The following NDUFAF6 variants were observed in gnomAD, a reference collection of about 807,000 sequenced individuals.
The protein encoded by NDUFAF6 is NADH dehydrogenase (ubiquinone) complex I, assembly factor 6.
NDUFAF6 carries 45 observed loss-of-function variants against 40.8 expected under a neutral mutation model. The observed-to-expected ratio is 1.10, with a 90% CI of 0.87 to 1.42. NDUFAF6 has a LOEUF of 1.42. Among genes scored for constraint, NDUFAF6 ranks in the 40% most tolerant of loss-of-function variants. The pLI is 0.00. For synonymous variants in NDUFAF6, 185 were observed against 155.9 expected (o/e 1.19, Z -1.39); for missense variants, 435 against 418.5 (o/e 1.04, Z -0.34).
At chr8:95,111,921 G>A (rs1481912958) in intron 4 of NDUFAF6, among the ~76,000 whole-genome samples, 2 of 152,158 alleles carry the variant, frequency 1.3e-5, no homozygotes, top group Non-Finnish European at 2.9e-5. Context: ...CTATGGATAA[G>A]CCTTTTGTCC....
downstream of NDUFAF6, among the ~76,000 whole-genome samples, chr8:95,060,048 G>A (rs76917017): frequency 0.01 from 1,527 of 147,962 alleles, 35 homozygotes; most frequent in African/African-American, 0.034. Context: ...GTTTAATTAC[G>A]CGACTGGATT....
chr8:95,044,372 T>A (rs1432350430), intron 4 of NDUFAF6: 1 of 152,132 alleles, frequency 6.6e-6, no homozygotes. Context: ...GGGATAAATT[T>A]TATGGTATGT....
chr8:95,060,191 C>T (rs575919851), downstream of NDUFAF6, among the ~76,000 whole-genome samples: 22 of 152,268 alleles, frequency 1.4e-4, 1 homozygote, highest in Admixed American at 1.4e-3. Context: ...CAAGTGGAGT[C>T]TTTATCAGTG....
intron 1 of NDUFAF6, among the ~76,000 whole-genome samples, chr8:94,919,840 T>C (rs961096371): frequency 3.9e-5 from 6 of 152,228 alleles, no homozygotes; most frequent in Non-Finnish European, 1.5e-5. Flanking sequence ...CAAATCAACA[T>C]TGTAAACCAA....
At chr8:94,902,862 A>G (rs912541333) in intron 1 of NDUFAF6, among the ~76,000 whole-genome samples, 5 of 151,634 alleles carry the variant, frequency 3.3e-5, no homozygotes, top group Non-Finnish European at 7.4e-5. Flanking sequence ...CGCCCAGCTA[A>G]TTTTTATATT....
At chr8:94,980,236 G>C (rs968508031) in intron 1 of NDUFAF6, among the ~76,000 whole-genome samples, 1 of 150,026 alleles carries the variant, frequency 6.7e-6, no homozygotes, top group African/African-American at 2.4e-5. Context: ...TATTTTAAAA[G>C]AGTATATTCT....
intron 8 of NDUFAF6, among the ~76,000 whole-genome samples, chr8:95,053,344 G>A (rs1394597018): frequency 6.6e-6 from 1 of 152,086 alleles, no homozygotes; most frequent in African/African-American, 2.4e-5. Flanking sequence ...TGTATTTTGT[G>A]TATGTCAACA....
chr8:95,107,912 C>T (rs925646998), downstream of NDUFAF6, among the ~76,000 whole-genome samples: 2 of 152,124 alleles, frequency 1.3e-5, no homozygotes, highest in Non-Finnish European at 2.9e-5. Context: ...GAAAGATGCC[C>T]TCCTAGTATT....
chr8:95,048,364 A>T, intron 6 of NDUFAF6, 93 bp from the exon 7 acceptor site: 1 of 858,350 alleles, frequency 1.2e-6, no homozygotes, highest in Non-Finnish European at 2.0e-6. Flanking sequence ...GTGCTAAGTT[A>T]GTTTTAATTG....
chr8:95,076,549 G>A (rs1833020632), downstream of NDUFAF6, among the ~76,000 whole-genome samples: 1 of 152,136 alleles, frequency 6.6e-6, no homozygotes, highest in Admixed American at 6.5e-5. Context: ...TGCTCACTGT[G>A]TGCCAGTTAT....
chr8:94,931,680 A>G (rs924122031), intron 1 of NDUFAF6, among the ~76,000 whole-genome samples: 13 of 152,196 alleles, frequency 8.5e-5, no homozygotes, highest in Admixed American at 2.0e-4. Flanking sequence ...TAATATAAAG[A>G]AAATTATTTT....
chr8:94,918,832 G>T (rs977071797), intron 1 of NDUFAF6, among the ~76,000 whole-genome samples: 2 of 152,266 alleles, frequency 1.3e-5, no homozygotes, highest in East Asian at 3.9e-4. Context: ...GAGGTGTTTA[G>T]TAAATGCTGA....
chr8:95,040,925 T>A (rs1209267269), intron 3 of NDUFAF6: 1 of 152,276 alleles, frequency 6.6e-6, no homozygotes, highest in African/African-American at 2.4e-5. Context: ...GTCTGGGCAC[T>A]AGGTGAGCTC....
At chr8:94,982,024 T>C (rs1435066983) in intron 2 of NDUFAF6, among the ~76,000 whole-genome samples, 1 of 151,740 alleles carries the variant, frequency 6.6e-6, no homozygotes, top group Non-Finnish European at 1.5e-5. Flanking sequence ...GGTCAGGAGA[T>C]TGAGACCATC....
chr8:94,905,746 C>T (rs1818353613), intron 1 of NDUFAF6, among the ~76,000 whole-genome samples: 1 of 152,120 alleles, frequency 6.6e-6, no homozygotes, highest in Admixed American at 6.6e-5. Flanking sequence ...GGTTCTCATC[C>T]AGGGTGAGTC....
chr8:95,090,036 A>G (rs1809197344), intron 2 of NDUFAF6, among the ~76,000 whole-genome samples: 1 of 152,154 alleles, frequency 6.6e-6, no homozygotes, highest in Non-Finnish European at 1.5e-5. Context: ...CATTTCTGGC[A>G]TCCCGGCAAG....
chr8:94,912,632 TAA>T (rs567408916), intron 1 of NDUFAF6, among the ~76,000 whole-genome samples: 2 of 141,164 alleles, frequency 1.4e-5, no homozygotes. Flanking sequence ...CTGTCTCTAC[TAA>T]AAAAAAAAAA....
downstream of NDUFAF6, among the ~76,000 whole-genome samples, chr8:95,080,995 C>CT (rs936913525): frequency 9.2e-5 from 14 of 152,170 alleles, no homozygotes; most frequent in Admixed American, 8.5e-4. Flanking sequence ...GAGTGCTGAT[C>CT]TTCCAGCTTC....
downstream of NDUFAF6, among the ~76,000 whole-genome samples, chr8:95,063,494 G>A (rs540248251): frequency 8.5e-5 from 13 of 152,238 alleles, no homozygotes; most frequent in African/African-American, 2.9e-4. Flanking sequence ...CTACTTAGGC[G>A]GCTGAGGTAG....
Sources: allele counts gnomAD v4.1 joint callset (sites outside exome capture counted in the v4.1 genomes callset), GRCh38; gene constraint gnomAD v4.1.1; transcripts MANE v1.5; gene names NCBI Gene and HGNC (gene_info 2026-07-23, HGNC 2026-07-21).